The following ADI1 variants were observed in gnomAD, a reference collection of about 807,000 sequenced individuals.
ADI1 encodes the protein acireductone dioxygenase.
Under a neutral mutation model 18.7 loss-of-function variants are expected in ADI1, and 21 were observed. The observed-to-expected ratio is 1.13, with a 90% CI of 0.80 to 1.62. The LOEUF is 1.62. Among genes scored for constraint, ADI1 ranks in the 40% most tolerant of loss-of-function variants. The pLI, the probability that ADI1 is intolerant of heterozygous loss-of-function variation, is 0.00. For missense variants in ADI1, 245 were observed against 254.9 expected (o/e 0.96, Z 0.26); for synonymous variants, 90 against 100.1 (o/e 0.90, Z 0.60).
intron 2 of ADI1, among the ~76,000 whole-genome samples, chr2:3,503,623 C>T (rs1369057592): frequency 4.6e-5 from 7 of 152,220 alleles, no homozygotes; most frequent in Non-Finnish European, 1.0e-4. Flanking sequence ...CTCTGCAGGG[C>T]ACTCCCATCC....
intron 3 of ADI1, among the ~76,000 whole-genome samples, chr2:3,500,328 T>A (rs1444573441): frequency 2.0e-5 from 3 of 152,214 alleles, no homozygotes; most frequent in African/African-American, 7.2e-5. Flanking sequence ...AAAACTACCT[T>A]ATCTGTGTTT....
At chr2:3,505,337 T>C (rs947468587) in intron 2 of ADI1, among the ~76,000 whole-genome samples, 3 of 152,062 alleles carry the variant, frequency 2.0e-5, no homozygotes, top group Admixed American at 6.5e-5. Flanking sequence ...GAAACCCCTA[T>C]GGGAAGCAGG....
rs767341560 is a variant in ADI1 at position 3,519,364 on chromosome 2, G to A, written c.120+4C>T. 4.9e-6 allele frequency: 7 copies of A among 1,427,602 alleles called. No homozygotes were observed. The South Asian group carries it at 8.6e-5, about 18-fold the overall frequency. The allele number at this position is 1,427,602 out of a possible 1,614,324, so 88.4% of individuals were successfully genotyped here. On this transcript the variant is annotated splice_donor_region_variant and intron_variant, in intron 1 of 3. Transcript: ENST00000327435. ...CACGCTCTGCGAGGCTTGGGCTCGC[G>A]TACCTTCCAGTAGAGCACCCCGAGC...
intron 2 of ADI1, among the ~76,000 whole-genome samples, chr2:3,503,804 C>A (rs972965066): frequency 3.3e-5 from 5 of 152,186 alleles, no homozygotes; most frequent in African/African-American, 1.2e-4. Flanking sequence ...AGCCTGAGGT[C>A]TGGGACAACG....
intron 1 of ADI1, chr2:3,514,659 G>T: frequency 2.0e-6 from 2 of 1,019,350 alleles, no homozygotes; most frequent in South Asian, 1.8e-5. Flanking sequence ...CTCTATTAAG[G>T]TTCAGTTTTA....
At chr2:3,499,805 A>G (rs1160769626) in intron 3 of ADI1, among the ~76,000 whole-genome samples, 2 of 152,184 alleles carry the variant, frequency 1.3e-5, no homozygotes, top group Admixed American at 1.3e-4. Flanking sequence ...TGTAGAAAAA[A>G]GTAAAATGTA....
intron 1 of ADI1, chr2:3,515,893 C>G: frequency 1.0e-6 from 1 of 985,264 alleles, no homozygotes; most frequent in Non-Finnish European, 1.2e-6. Context: ...GGTGGGTTCC[C>G]CCGATACTCC....
At chr2:3,514,025 T>C (rs754698378) in intron 1 of ADI1, 49 bp from the exon 2 acceptor site, 3 of 1,546,598 alleles carry the variant, frequency 1.9e-6, no homozygotes, top group South Asian at 2.5e-5. Flanking sequence ...AACAAGGAGA[T>C]GTAGAAACAT....
At chr2:3,502,297 C>T (rs1198277872) in intron 2 of ADI1, among the ~76,000 whole-genome samples, 1 of 152,200 alleles carries the variant, frequency 6.6e-6, no homozygotes, top group Non-Finnish European at 1.5e-5. Flanking sequence ...TCCCAAAGCA[C>T]TGGGATTACA....
intron 2 of ADI1, among the ~76,000 whole-genome samples, chr2:3,501,794 C>T (rs985554713): frequency 6.6e-6 from 1 of 152,160 alleles, no homozygotes; most frequent in Non-Finnish European, 1.5e-5. Flanking sequence ...TCCCACAGTG[C>T]TGGGATTCCA....
chr2:3,511,576 TC>T (rs1667295232), intron 2 of ADI1, among the ~76,000 whole-genome samples: 1 of 152,174 alleles, frequency 6.6e-6, no homozygotes, highest in Non-Finnish European at 1.5e-5. Flanking sequence ...AATTACACAG[TC>T]TCAGATATTT....
At chr2:3,503,486 T>C (rs1449963038) in intron 2 of ADI1, among the ~76,000 whole-genome samples, 1 of 44,974 alleles carries the variant, frequency 2.2e-5, no homozygotes, top group Non-Finnish European at 3.5e-5. Context: ...TTCACACTCA[T>C]GCACACGTAC....
intron 1 of ADI1, among the ~76,000 whole-genome samples, chr2:3,514,543 C>T (rs1041358231): frequency 3.9e-5 from 6 of 152,210 alleles, no homozygotes; most frequent in South Asian, 2.1e-4. Context: ...ATAGGATGAT[C>T]GGCTATCTTA....
intron 1 of ADI1, among the ~76,000 whole-genome samples, chr2:3,517,904 T>C (rs1420964031): frequency 6.6e-6 from 1 of 152,246 alleles, no homozygotes; most frequent in Non-Finnish European, 1.5e-5. Flanking sequence ...AAAAGATGTC[T>C]ATTAAAATAA....
chr2:3,518,655 G>A (rs1667461461), intron 1 of ADI1, among the ~76,000 whole-genome samples: 1 of 145,326 alleles, frequency 6.9e-6, no homozygotes, highest in Admixed American at 6.9e-5. Context: ...ATCCCCGACA[G>A]ACCGCGGCAG....
intron 2 of ADI1, among the ~76,000 whole-genome samples, chr2:3,501,998 G>A (rs1207650308): frequency 1.4e-5 from 2 of 144,500 alleles, no homozygotes; most frequent in Non-Finnish European, 3.0e-5. Flanking sequence ...CACACCTCCC[G>A]CTCCACACAC....
intron 2 of ADI1, among the ~76,000 whole-genome samples, chr2:3,501,801 T>G (rs1667019638): frequency 6.6e-6 from 1 of 152,142 alleles, no homozygotes; most frequent in African/African-American, 2.4e-5. Context: ...GTGCTGGGAT[T>G]CCAGGTGGAA....
chr2:3,507,688 G>C (rs909332160), intron 2 of ADI1, among the ~76,000 whole-genome samples: 1 of 152,060 alleles, frequency 6.6e-6, no homozygotes, highest in Non-Finnish European at 1.5e-5. Context: ...AAATTATATA[G>C]GTCTGAATCT....
intron 2 of ADI1, among the ~76,000 whole-genome samples, chr2:3,505,441 G>C (rs949095236): frequency 1.3e-5 from 2 of 152,204 alleles, no homozygotes; most frequent in Admixed American, 6.5e-5. Context: ...CCAGTCATCA[G>C]GGGCCTCACA....
Sources: allele counts gnomAD v4.1 joint callset (sites outside exome capture counted in the v4.1 genomes callset), GRCh38; gene constraint gnomAD v4.1.1; transcripts MANE v1.5; gene names NCBI Gene and HGNC (gene_info 2026-07-23, HGNC 2026-07-21).